The following WWOX variants were observed in gnomAD, a reference collection of about 807,000 sequenced individuals.
WWOX encodes WW domain-containing oxidoreductase.
In WWOX, 69 loss-of-function variants were observed where a neutral mutation model predicts 46.2. The ratio of observed to expected loss-of-function variants is 1.49; its 90% CI spans 1.23 to 1.82. The LOEUF is 1.82. Among genes scored for constraint, WWOX ranks in the 40% most tolerant of loss-of-function variants. WWOX has a pLI of 0.00. For synonymous variants in WWOX, 359 were observed against 202.6 expected (o/e 1.77, Z -6.56); for missense variants, 919 against 542.6 (o/e 1.69, Z -6.89).
chr16:78,411,882 C>T (rs893290565), intron 6 of WWOX, among the ~76,000 whole-genome samples: 4 of 152,104 alleles, frequency 2.6e-5, no homozygotes, highest in African/African-American at 7.2e-5. Flanking sequence ...GGGACTGTTC[C>T]CAGAGGAGAG....
intron 8 of WWOX, among the ~76,000 whole-genome samples, chr16:79,148,318 T>A (rs2050216833): frequency 6.6e-6 from 1 of 152,218 alleles, no homozygotes; most frequent in African/African-American, 2.4e-5. Context: ...TTAGCACCAT[T>A]TGCTGAAAAT....
chr16:78,255,950 G>T (rs1046466097), intron 5 of WWOX, among the ~76,000 whole-genome samples: 1 of 151,938 alleles, frequency 6.6e-6, no homozygotes, highest in African/African-American at 2.4e-5. Flanking sequence ...AGGGGTTTGA[G>T]ACCAGCCTGG....
chr16:78,652,735 C>G (rs149612199), intron 8 of WWOX, among the ~76,000 whole-genome samples: 3 of 152,176 alleles, frequency 2.0e-5, no homozygotes, highest in African/African-American at 7.2e-5. Context: ...TTAGGTTCTT[C>G]TGTGATAAAA....
chr16:78,429,841 A>T (rs2083176059), intron 7 of WWOX, among the ~76,000 whole-genome samples: 1 of 152,232 alleles, frequency 6.6e-6, no homozygotes, highest in African/African-American at 2.4e-5. Flanking sequence ...GTGTGTTTCA[A>T]CATGTAAATG....
At chr16:78,625,241 C>A (rs2046285592) in intron 8 of WWOX, among the ~76,000 whole-genome samples, 1 of 152,144 alleles carries the variant, frequency 6.6e-6, no homozygotes, top group African/African-American at 2.4e-5. Context: ...GGGGTCGCTG[C>A]CCCAGCCCCA....
intron 4 of WWOX, among the ~76,000 whole-genome samples, chr16:78,146,650 C>T (rs1383999130): frequency 6.6e-6 from 1 of 152,154 alleles, no homozygotes; most frequent in Non-Finnish European, 1.5e-5. Flanking sequence ...AACTCCTTCC[C>T]AGCTCTCCCT....
intron 8 of WWOX, among the ~76,000 whole-genome samples, chr16:78,620,703 CT>C (rs2046158398): frequency 5.9e-5 from 9 of 151,688 alleles, no homozygotes; most frequent in Admixed American, 1.3e-4. Flanking sequence ...TTTTTTTTTC[CT>C]TTTTGCACAG....
At chr16:78,706,058 GTTTTT>G (rs3051058) in intron 8 of WWOX, among the ~76,000 whole-genome samples, 2 of 106,428 alleles carry the variant, frequency 1.9e-5, no homozygotes, top group Non-Finnish European at 3.5e-5. Flanking sequence ...GTTATGGCAG[GTTTTT>G]TTTTTTTTTT....
At chr16:78,924,465 A>T (rs1322410764) in intron 8 of WWOX, among the ~76,000 whole-genome samples, 1 of 152,188 alleles carries the variant, frequency 6.6e-6, no homozygotes, top group Non-Finnish European at 1.5e-5. Context: ...AAAATATCTC[A>T]CTTAAAACTT....
Position 78,392,974 on chromosome 16 carries a change from G to T in WWOX, c.605+6026G>T, listed in dbSNP as rs539660628. Among the ~76,000 whole-genome samples the T allele has an allele frequency of 2.0e-5, 3 of 152,088 alleles. 1 individual carries two copies. The South Asian group carries it at 6.2e-4, about 32-fold the overall frequency. ...TCTCCTCAGAGTTAGCGGTAGCAGCGGTCGTCGGCCAGTGTGTCTCGGGTC... is the reference window on the plus strand; with the variant it reads ...TCTCCTCAGAGTTAGCGGTAGCAGCTGTCGTCGGCCAGTGTGTCTCGGGTC... On this transcript the variant is annotated intron_variant, in intron 6 of 8. Coordinates refer to ENST00000566780, the MANE Select transcript of WWOX (RefSeq NM_016373.4).
intron 5 of WWOX, among the ~76,000 whole-genome samples, chr16:78,377,420 T>C (rs1190985235): frequency 6.6e-6 from 1 of 152,218 alleles, no homozygotes; most frequent in Non-Finnish European, 1.5e-5. Context: ...GAGAAAGCTT[T>C]TACGCTTCAA....
intron 8 of WWOX, among the ~76,000 whole-genome samples, chr16:78,979,739 G>T (rs965732372): frequency 1.3e-5 from 2 of 152,120 alleles, no homozygotes; most frequent in Non-Finnish European, 2.9e-5. Context: ...GGTCCCCAGT[G>T]GTCCAGGTTT....
chr16:78,863,277 T>G (rs1004687157), intron 8 of WWOX, among the ~76,000 whole-genome samples: 3 of 152,166 alleles, frequency 2.0e-5, no homozygotes, highest in Non-Finnish European at 2.9e-5. Flanking sequence ...AGTTTTAACT[T>G]GGAAACAATG....
At chr16:78,234,218 A>T (rs1275357166) in intron 5 of WWOX, among the ~76,000 whole-genome samples, 1 of 152,058 alleles carries the variant, frequency 6.6e-6, no homozygotes, top group African/African-American at 2.4e-5. Flanking sequence ...CAGCCTTTAT[A>T]AATTTGAGGT....
chr16:78,281,732 C>CT (rs1459426423), intron 5 of WWOX, among the ~76,000 whole-genome samples: 1 of 152,102 alleles, frequency 6.6e-6, no homozygotes, highest in African/African-American at 2.4e-5. Context: ...TTCCCCCCCG[C>CT]CCCCAACCAT....
chr16:79,147,450 C>T (rs1036442097), intron 8 of WWOX, among the ~76,000 whole-genome samples: 1 of 152,168 alleles, frequency 6.6e-6, no homozygotes, highest in Non-Finnish European at 1.5e-5. Flanking sequence ...TTTCATTGCT[C>T]AGTAGTATTC....
At chr16:78,454,624 G>T (rs1015786285) in intron 8 of WWOX, among the ~76,000 whole-genome samples, 3 of 152,102 alleles carry the variant, frequency 2.0e-5, no homozygotes, top group Admixed American at 6.5e-5. Flanking sequence ...TCCTGCCTCA[G>T]CCTCTTGAGT....
chr16:78,694,683 A>G (rs1023538337), intron 8 of WWOX, among the ~76,000 whole-genome samples: 3 of 152,208 alleles, frequency 2.0e-5, no homozygotes, highest in Admixed American at 6.5e-5. Context: ...TAGACCATGA[A>G]AAGACAGAAG....
At chr16:79,099,844 G>A (rs2049155900) in intron 8 of WWOX, among the ~76,000 whole-genome samples, 2 of 152,182 alleles carry the variant, frequency 1.3e-5, no homozygotes, top group African/African-American at 4.8e-5. Context: ...AACAGCATGA[G>A]TAGGAGATAT....
Sources: allele counts gnomAD v4.1 joint callset (sites outside exome capture counted in the v4.1 genomes callset), GRCh38; gene constraint gnomAD v4.1.1; transcripts MANE v1.5; gene names NCBI Gene and HGNC (gene_info 2026-07-23, HGNC 2026-07-21).